Variants in PIK3C2G observed in about 807,000 individuals in gnomAD.
PIK3C2G encodes phosphatidylinositol-4-phosphate 3-kinase catalytic subunit type 2 gamma.
A neutral mutation model predicts 181.1 loss-of-function variants in PIK3C2G; 168 were observed. That is an observed-to-expected ratio of 0.93 (90% CI 0.82 to 1.05). The LOEUF is 1.05. PIK3C2G is among the 50% of genes least tolerant of loss of function. The pLI is 0.00. For missense variants in PIK3C2G, 1,869 were observed against 1,732.8 expected (o/e 1.08, Z -1.40); for synonymous variants, 573 against 592.2 (o/e 0.97, Z 0.47).
At chr12:18,547,205 G>A (rs1944478891) in intron 26 of PIK3C2G, among the ~76,000 whole-genome samples, 1 of 151,880 alleles carries the variant, frequency 6.6e-6, no homozygotes, top group African/African-American at 2.4e-5. Context: ...TGGAATGTAT[G>A]CTTTAAAGAA....
At chr12:18,656,906 G>A in the PIK3C2G span, among the ~76,000 whole-genome samples, 1 of 152,192 alleles carries the variant, frequency 6.6e-6, no homozygotes, top group Admixed American at 6.5e-5. Flanking sequence ...TGGTGTTAAA[G>A]TTACTTTGGC....
chr12:18,283,871 G>A (rs1949328300), intron 2 of PIK3C2G, among the ~76,000 whole-genome samples: 1 of 152,064 alleles, frequency 6.6e-6, no homozygotes, highest in Admixed American at 6.6e-5. Context: ...TAGGCAGTAT[G>A]GAACATAAAT....
the PIK3C2G span, among the ~76,000 whole-genome samples, chr12:18,706,013 G>A: frequency 6.6e-6 from 1 of 151,908 alleles, no homozygotes; most frequent in Non-Finnish European, 1.5e-5. Context: ...GATCACCTGG[G>A]GTCAGGAGTT....
the PIK3C2G span, chr12:18,723,525 T>C: frequency 3.1e-6 from 5 of 1,612,112 alleles, no homozygotes; most frequent in Admixed American, 8.4e-5. Context: ...TTCTTCCTTG[T>C]TTCAGCCTGT....
At chr12:18,726,058 A>T in the PIK3C2G span, among the ~76,000 whole-genome samples, 1 of 152,166 alleles carries the variant, frequency 6.6e-6, no homozygotes, top group African/African-American at 2.4e-5. Flanking sequence ...GACTCAAAAA[A>T]GTGCCTGACT....
rs1019266256 is a variant in PIK3C2G, at chr12:18,254,992, G to T, written c.-79+6910G>T. On this transcript the variant is annotated intron_variant, in intron 1 of 11. Transcript: ENST00000535651. ...CCCTGTAATCCCAGCACTTTGGGAG[G>T]CTGAGACGGGCAGATCACCTGAGGT... 3.3e-5 allele frequency among the ~76,000 whole-genome samples: 5 copies of T among 152,098 alleles called. No individual in the cohort carries two copies. The East Asian group carries it at 9.7e-4, about 29-fold the overall frequency.
chr12:18,536,111 A>G (rs191224893), intron 24 of PIK3C2G, among the ~76,000 whole-genome samples: 1 of 151,954 alleles, frequency 6.6e-6, no homozygotes, highest in African/African-American at 2.4e-5. Flanking sequence ...AAGTATAATT[A>G]AAAAAATGCT....
In PIK3C2G at chr12:18,538,138, A is replaced by G. The variant is rs1356730089; in HGVS notation, c.3324-18A>G. 6.3e-7 allele frequency: 1 copy of G among 1,599,722 alleles called. No homozygotes were observed. The highest frequency in any genetic ancestry group is 8.5e-7 in the Non-Finnish European group (1 of 1,173,432). Reference sequence around the variant, plus strand: ...ATTTCTCTTCCTTCGAATGATTGCTACTGTTTTTGGTTTACAGGGACCGAG... The same window carrying G: ...ATTTCTCTTCCTTCGAATGATTGCTGCTGTTTTTGGTTTACAGGGACCGAG... On this transcript the variant is annotated intron_variant, in intron 24 of 32. Transcript: ENST00000538779.
At chr12:18,577,724 A>G (rs1443435460) in intron 29 of PIK3C2G, among the ~76,000 whole-genome samples, 1 of 152,158 alleles carries the variant, frequency 6.6e-6, no homozygotes. Flanking sequence ...CCAAGGTATC[A>G]TCCTGGTAAT....
chr12:18,391,594 G>A (rs1353391698), intron 15 of PIK3C2G, among the ~76,000 whole-genome samples: 1 of 152,130 alleles, frequency 6.6e-6, no homozygotes, highest in African/African-American at 2.4e-5. Context: ...AGTTGTTTTA[G>A]TCAACAGGGA....
At chr12:18,504,661 G>A (rs993078001) in intron 23 of PIK3C2G, among the ~76,000 whole-genome samples, 1 of 152,128 alleles carries the variant, frequency 6.6e-6, no homozygotes, top group Non-Finnish European at 1.5e-5. Context: ...GACGCAAAGT[G>A]TATTTTTGGA....
At chr12:18,286,693 T>C (rs1003184647) in intron 2 of PIK3C2G, among the ~76,000 whole-genome samples, 154 bp from the exon 3 acceptor site, 1 of 152,092 alleles carries the variant, frequency 6.6e-6, no homozygotes, top group African/African-American at 2.4e-5. Context: ...GATCTGTGCA[T>C]TTTTCTATGT....
In PIK3C2G at chr12:18,554,963, G is replaced by C. The variant is rs74068093; in HGVS notation, c.3591-7740G>C. ...AGAATACTGCAATGAAATGAAGTTT[G>C]AGATTTAGATGAAGAAATTTGTTCA... On this transcript the variant is annotated intron_variant, in intron 26 of 32. Coordinates refer to ENST00000538779, the MANE Select transcript of PIK3C2G (RefSeq NM_001288772.2). Among the ~76,000 whole-genome samples, 925 of 152,212 alleles carry C rather than the reference G, an allele frequency of 6.1e-3. 10 individuals are homozygous for C. The highest frequency in any genetic ancestry group is 0.022 in the African/African-American group (894 of 41,572).
intron 18 of PIK3C2G, among the ~76,000 whole-genome samples, chr12:18,450,273 T>C (rs977368204): frequency 6.6e-6 from 1 of 152,108 alleles, no homozygotes; most frequent in African/African-American, 2.4e-5. Context: ...ATTACAGGCA[T>C]GTGCCACCAC....
chr12:18,313,587 C>G (rs1950729811), intron 5 of PIK3C2G, among the ~76,000 whole-genome samples: 1 of 151,944 alleles, frequency 6.6e-6, no homozygotes, highest in Admixed American at 6.6e-5. Flanking sequence ...CTGTCATCAG[C>G]TTTGAACCCT....
intron 31 of PIK3C2G, among the ~76,000 whole-genome samples, chr12:18,623,918 T>G (rs1233786840): frequency 1.3e-5 from 2 of 151,824 alleles, no homozygotes; most frequent in African/African-American, 4.8e-5. Flanking sequence ...ATTTATCAGT[T>G]CTAACAGTTT....
At chr12:18,489,440 A>G (rs1420435707) in intron 19 of PIK3C2G, among the ~76,000 whole-genome samples, 1 of 152,114 alleles carries the variant, frequency 6.6e-6, no homozygotes, top group African/African-American at 2.4e-5. Flanking sequence ...TGATATAAAA[A>G]TAGTAGTAGG....
At chr12:18,477,633 C>A (rs929304573) in intron 18 of PIK3C2G, among the ~76,000 whole-genome samples, 4 of 152,150 alleles carry the variant, frequency 2.6e-5, no homozygotes, top group African/African-American at 7.2e-5. Flanking sequence ...GGGACAAGTT[C>A]TTTTATGACA....
chr12:18,373,082 G>A (rs1377493496), intron 13 of PIK3C2G, among the ~76,000 whole-genome samples: 1 of 152,100 alleles, frequency 6.6e-6, no homozygotes, highest in East Asian at 1.9e-4. Flanking sequence ...GACAATTTAA[G>A]GAAATAAAGA....
Sources: gnomAD v4.1 joint callset for allele counts (sites outside exome capture counted in the v4.1 genomes callset) on GRCh38, gnomAD v4.1.1 for gene constraint, MANE v1.5 for transcripts, NCBI Gene and HGNC (gene_info 2026-07-23, HGNC 2026-07-21) for gene names.